The following UNC5C variants were observed in gnomAD, a reference collection of about 807,000 sequenced individuals.
The protein encoded by UNC5C is netrin receptor UNC5C.
In UNC5C, 47 loss-of-function variants were observed where a neutral mutation model predicts 99.8. The ratio of observed to expected loss-of-function variants is 0.47; its 90% CI spans 0.37 to 0.60. The LOEUF is 0.60. UNC5C is among the 20% of genes least tolerant of loss of function. UNC5C has a pLI of 0.00. For missense variants in UNC5C, 1,062 were observed against 1,165.9 expected (o/e 0.91, Z 1.30); for synonymous variants, 487 against 452.2 (o/e 1.08, Z -0.98).
At chr4:95,313,771 A>G (rs943466716) in intron 2 of UNC5C, among the ~76,000 whole-genome samples, 1 of 152,258 alleles carries the variant, frequency 6.6e-6, no homozygotes, top group Non-Finnish European at 1.5e-5. Context: ...AAAGATTCAT[A>G]TGTTTAAAAA....
chr4:95,219,375 C>A, intron 8 of UNC5C, 62 bp from the exon 9 acceptor site: 1 of 1,494,922 alleles, frequency 6.7e-7, no homozygotes, highest in South Asian at 1.3e-5. Flanking sequence ...CTACATTAGT[C>A]AGACTCCCCC....
chr4:95,417,038 G>T, intron 1 of UNC5C, among the ~76,000 whole-genome samples: 1 of 152,126 alleles, frequency 6.6e-6, no homozygotes, highest in Non-Finnish European at 1.5e-5. Flanking sequence ...GGGAGAAAAG[G>T]GGGCCAAGGA....
chr4:95,325,510 T>A (rs573906803), intron 2 of UNC5C, among the ~76,000 whole-genome samples: 1 of 152,094 alleles, frequency 6.6e-6, no homozygotes, highest in Admixed American at 6.6e-5. Context: ...GAGATTTTAA[T>A]TTTTGGTGCC....
chr4:95,219,461 G>T, intron 8 of UNC5C, 148 bp from the exon 9 acceptor site: 2 of 718,724 alleles, frequency 2.8e-6, no homozygotes, highest in Admixed American at 2.9e-5. Flanking sequence ...TGAAAACAGG[G>T]CAATCAGATA....
In UNC5C at chr4:95,162,933, C is replaced by T. The variant is rs1330997289; in HGVS notation, c.*6301G>A. 1 of 152,202 alleles carries T rather than the reference C, an allele frequency of 6.6e-6. No homozygotes were observed. Among genetic ancestry groups the T allele is most frequent in the Admixed American group, 6.5e-5 (1 of 15,280 alleles). The allele number at this position is 152,202 out of a possible 1,614,324, so 9.4% of individuals were successfully genotyped here. On this transcript the variant is annotated 3_prime_UTR_variant, in exon 16 of 16. Coordinates refer to ENST00000453304, the MANE Select transcript of UNC5C (RefSeq NM_003728.4). ...CAGTAGGTGGATGACACTGCCTCTT[C>T]AACACGACTGCTGGGGATTTTTCTC...
At chr4:95,388,550 A>G (rs1179242001) in intron 1 of UNC5C, among the ~76,000 whole-genome samples, 1 of 152,144 alleles carries the variant, frequency 6.6e-6, no homozygotes, top group African/African-American at 2.4e-5. Context: ...TAACTTCACA[A>G]TGGTCACGTA....
At chr4:95,200,250 C>T (rs1579224651) in intron 12 of UNC5C, among the ~76,000 whole-genome samples, 1 of 152,338 alleles carries the variant, frequency 6.6e-6, no homozygotes, top group Admixed American at 6.5e-5. Context: ...AACTTTCTTT[C>T]CTTGGCTTCC....
At chr4:95,184,451 C>T (rs1007061828) in intron 13 of UNC5C, among the ~76,000 whole-genome samples, 4 of 152,118 alleles carry the variant, frequency 2.6e-5, no homozygotes, top group African/African-American at 9.7e-5. Flanking sequence ...GCAATCCCGC[C>T]AAAGTGGTTT....
intron 1 of UNC5C, among the ~76,000 whole-genome samples, chr4:95,537,150 T>C (rs1038776839): frequency 1.3e-5 from 2 of 152,152 alleles, no homozygotes; most frequent in East Asian, 1.9e-4. Flanking sequence ...TAAGGAAATA[T>C]GGACTTAATT....
At chr4:95,325,409 G>A (rs1742849137) in intron 2 of UNC5C, among the ~76,000 whole-genome samples, 1 of 151,446 alleles carries the variant, frequency 6.6e-6, no homozygotes, top group South Asian at 2.1e-4. Flanking sequence ...TAGAAGGGGA[G>A]TATAAGCAAG....
intron 1 of UNC5C, among the ~76,000 whole-genome samples, chr4:95,395,751 CA>C (rs929774152): frequency 1.3e-5 from 2 of 152,008 alleles, no homozygotes; most frequent in African/African-American, 4.8e-5. Flanking sequence ...GCAGACAGGC[CA>C]AAAAAGCTGT....
chr4:95,548,115 G>A (rs921362817), intron 1 of UNC5C, among the ~76,000 whole-genome samples: 22 of 152,098 alleles, frequency 1.4e-4, no homozygotes, highest in African/African-American at 4.8e-4. Flanking sequence ...GCACATCCCG[G>A]GCCTGCCTCC....
chr4:95,204,364 G>A (rs763963646), intron 11 of UNC5C, among the ~76,000 whole-genome samples: 2 of 152,332 alleles, frequency 1.3e-5, no homozygotes, highest in Non-Finnish European at 1.5e-5. Flanking sequence ...GCATCCTGGG[G>A]CAACCAGGTA....
In UNC5C at chr4:95,304,789, T is replaced by C. The variant is rs371553437; in HGVS notation, c.347-3040A>G. 1.6e-3 allele frequency among the ~76,000 whole-genome samples: 246 copies of C among 152,340 alleles called. 1 individual carries two copies. Among genetic ancestry groups the C allele is most frequent in the African/African-American group, 5.1e-3 (214 of 41,572 alleles). On this transcript the variant is annotated intron_variant, in intron 2 of 15. Transcript: ENST00000453304. The stretch of plus-strand genomic sequence containing the variant: ...ATACGATGCAGAGCAGCAACTAATA[T>C]GCTCAGGATATTACAACCACATCCA...
chr4:95,378,172 C>T (rs1325604703), intron 1 of UNC5C, among the ~76,000 whole-genome samples: 3 of 152,192 alleles, frequency 2.0e-5, no homozygotes, highest in South Asian at 2.1e-4. Flanking sequence ...CAAAGGAATA[C>T]GCTGATGGAA....
intron 8 of UNC5C, among the ~76,000 whole-genome samples, chr4:95,219,633 A>G (rs761364280): frequency 6.6e-6 from 1 of 152,200 alleles, no homozygotes; most frequent in Non-Finnish European, 1.5e-5. Context: ...TCCCTGGTCT[A>G]TACTGGATTT....
At chr4:95,218,030 C>G (rs921251734) in intron 9 of UNC5C, among the ~76,000 whole-genome samples, 1 of 152,088 alleles carries the variant, frequency 6.6e-6, no homozygotes, top group African/African-American at 2.4e-5. Context: ...GAGTGAATGA[C>G]AGGAAGAATC....
intron 1 of UNC5C, among the ~76,000 whole-genome samples, chr4:95,370,479 T>C (rs910005919): frequency 4.6e-5 from 7 of 152,328 alleles, no homozygotes; most frequent in African/African-American, 1.4e-4. Flanking sequence ...AGGAAAAGGC[T>C]GCATATTCCT....
intron 2 of UNC5C, among the ~76,000 whole-genome samples, chr4:95,314,016 A>G (rs1742376459): frequency 6.6e-6 from 1 of 152,232 alleles, no homozygotes; most frequent in Admixed American, 6.5e-5. Flanking sequence ...AACAGTTATG[A>G]AAGTACTTGA....
Sources: allele counts gnomAD v4.1 joint callset (sites outside exome capture counted in the v4.1 genomes callset), GRCh38; gene constraint gnomAD v4.1.1; transcripts MANE v1.5; gene names NCBI Gene and HGNC (gene_info 2026-07-23, HGNC 2026-07-21).